ADCY7: variants seen among roughly 807,000 people sequenced by gnomAD.
ADCY7 encodes adenylate cyclase type 7.
Under a neutral mutation model 120.6 loss-of-function variants are expected in ADCY7, and 72 were observed. The ratio of observed to expected loss-of-function variants is 0.60; its 90% confidence interval spans 0.49 to 0.73. The LOEUF (loss-of-function observed/expected upper bound fraction) is 0.73, where lower values mean the gene tolerates loss of function less well. Ranked by LOEUF, ADCY7 falls within the 30% of genes least tolerant of loss-of-function variation. The pLI, the probability that ADCY7 is intolerant of heterozygous loss-of-function variation, is 0.00. For missense variants in ADCY7, 1,227 were observed against 1,486.0 expected, an observed-to-expected ratio of 0.83 and a Z score of 2.87; for synonymous variants, 661 against 628.0, an observed-to-expected ratio of 1.05 and a Z score of -0.78.
Position 50,294,638 on chromosome 16 carries a change from A to G in ADCY7, c.837-2A>G. The G allele has an allele frequency of 1.1e-6, 1 of 894,516 alleles. No homozygotes were observed. The highest frequency in any genetic ancestry group is 1.8e-6 in the Non-Finnish European group (1 of 558,402). 55.4% of individuals were successfully genotyped at this position (894,516 alleles called of 1,614,324 possible). ...CTCCCTCCCACCCTGCCCCATCCCC[A>G]GCATCCTCTATGCGGACATCGTGGG... On this transcript the variant is annotated splice_acceptor_variant, in intron 6 of 25. Transcript: ENST00000673801. LOFTEE classifies it high-confidence loss of function.
chr16:50,294,497 T>A, intron 6 of ADCY7, 143 bp from the exon 7 acceptor site: 1 of 596,886 alleles, frequency 1.7e-6, no homozygotes. Flanking sequence ...GACTCTCCCA[T>A]CCCTATGGAG....
chr16:50,251,601 A>G (rs2032757985), intron 1 of ADCY7, among the ~76,000 whole-genome samples: 1 of 152,240 alleles, frequency 6.6e-6, no homozygotes, highest in East Asian at 1.9e-4. Context: ...ATTTTTACAT[A>G]AAGCCTAGAT....
chr16:50,299,072 G>A (rs1010324625), intron 8 of ADCY7, 41 bp downstream of exon 8: 2 of 1,567,872 alleles, frequency 1.3e-6, no homozygotes, highest in East Asian at 2.3e-5. Flanking sequence ...CCTGCCCTGT[G>A]GCGGACCCTC....
intron 3 of ADCY7, among the ~76,000 whole-genome samples, chr16:50,291,279 G>A (rs1450471475): frequency 6.6e-6 from 1 of 151,714 alleles, no homozygotes; most frequent in African/African-American, 2.4e-5. Flanking sequence ...CTGAAGGGGA[G>A]GGAGAGGGCA....
intron 1 of ADCY7, among the ~76,000 whole-genome samples, chr16:50,281,739 G>T (rs1345493844): frequency 6.6e-6 from 1 of 152,190 alleles, no homozygotes; most frequent in Non-Finnish European, 1.5e-5. Context: ...GCTGGGCTTG[G>T]GGGGATGGGA....
intron 1 of ADCY7, among the ~76,000 whole-genome samples, chr16:50,247,951 C>T (rs111437398): frequency 2.0e-5 from 3 of 152,156 alleles, no homozygotes; most frequent in Non-Finnish European, 4.4e-5. Flanking sequence ...TCCCAGGGAG[C>T]CCTCCAATTT....
intron 11 of ADCY7, 56 bp downstream of exon 11, chr16:50,304,607 GA>G (rs2035941806): frequency 6.8e-7 from 1 of 1,475,564 alleles, no homozygotes; most frequent in East Asian, 2.3e-5. Flanking sequence ...CCAGGAGCAG[GA>G]GAGTGAGTGC....
Position 50,315,757 on chromosome 16 carries a change from G to T in ADCY7, c.*252G>T. On this transcript the variant is annotated 3_prime_UTR_variant, in exon 26 of 26. Transcript: ENST00000673801. ...GTCTGTAACAGTTTCCAGGCCAGCTGGAGAATGTTCACTGGTTCGGGGCTG... is the reference window on the plus strand; with the variant it reads ...GTCTGTAACAGTTTCCAGGCCAGCTTGAGAATGTTCACTGGTTCGGGGCTG... 2.4e-6 allele frequency: 1 copy of T among 423,082 alleles called. No individual in the cohort carries two copies. Among genetic ancestry groups the T allele is most frequent in the Non-Finnish European group, 4.3e-6 (1 of 232,920 alleles). 26.2% of individuals were successfully genotyped at this position (423,082 alleles called of 1,614,324 possible).
chr16:50,301,938 C>T (rs922457616), intron 10 of ADCY7: 3 of 153,060 alleles, frequency 2.0e-5, no homozygotes, highest in Non-Finnish European at 4.4e-5. Context: ...GTGAGCCTCC[C>T]TACACATCTG....
At chr16:50,290,194 A>G (rs2150956602) in intron 2 of ADCY7, among the ~76,000 whole-genome samples, 1 of 152,298 alleles carries the variant, frequency 6.6e-6, no homozygotes, top group East Asian at 1.9e-4. Flanking sequence ...GAGGAGGCAG[A>G]GGCAGATGGA....
Position 50,304,455 on chromosome 16 carries a change from C to A in ADCY7, c.1464C>A (p.Leu488=), listed in dbSNP as rs181763906. The A allele has an allele frequency of 1.5e-5, 24 of 1,609,584 alleles. No homozygotes were observed. The highest frequency in any genetic ancestry group is 2.2e-5 in the South Asian group (2 of 90,760). The change falls in exon 11 of 26, where the codon CTC becomes CTA. Residue 488 remains leucine, a synonymous_variant. Coordinates refer to ENST00000673801, the MANE Select transcript of ADCY7 (RefSeq NM_001114.5). Reference sequence around the variant, plus strand: ...CGTCAGTGCGCATGACCCGGTACCTCGAGTCCTGGGGGGCGGCACGGCCCT... The same window carrying A: ...CGTCAGTGCGCATGACCCGGTACCTAGAGTCCTGGGGGGCGGCACGGCCCT... ...MRASVRMTRY[L]ESWGAARPFA... is the part of the protein sequence containing the mutation.
At chr16:50,264,619 T>G (rs546063663), upstream of ADCY7, among the ~76,000 whole-genome samples, 5 of 152,182 alleles carry the variant, frequency 3.3e-5, no homozygotes, top group Admixed American at 6.5e-5. Flanking sequence ...CTCCTCCTTG[T>G]CAACACTTGG....
intron 1 of ADCY7, among the ~76,000 whole-genome samples, chr16:50,255,292 TA>T (rs1490264701): frequency 1.4e-5 from 2 of 146,496 alleles, no homozygotes; most frequent in Non-Finnish European, 3.0e-5. Flanking sequence ...GTGAGCCAAT[TA>T]AAATATATAT....
intron 1 of ADCY7, among the ~76,000 whole-genome samples, chr16:50,269,399 T>C (rs2033417867): frequency 6.6e-6 from 1 of 152,104 alleles, no homozygotes; most frequent in African/African-American, 2.4e-5. Flanking sequence ...GTGGGGGTGG[T>C]CCTTACTGGG....
Position 50,301,575 on chromosome 16 carries a change from T to C in ADCY7, c.1368+361T>C, listed in dbSNP as rs570083603. On this transcript the variant is annotated intron_variant, in intron 10 of 25. Coordinates refer to ENST00000673801, the MANE Select transcript of ADCY7 (RefSeq NM_001114.5). ...TCCCAGATTTCCGAGAGACACACTT[T>C]CAAAACAAGCTTTGGATGAAACTCA... The C allele has an allele frequency of 6.2e-4, 137 of 222,762 alleles. 3 individuals are homozygous for C. In the South Asian group the frequency reaches 9.7e-3, roughly 16 times the overall value. The allele number at this position is 222,762 out of a possible 1,614,324, so 13.8% of individuals were successfully genotyped here. A position where few individuals can be genotyped will look rare whatever the true frequency, so the allele number is the denominator to read the frequency against.
chr16:50,248,245 G>A (rs1333876715), intron 1 of ADCY7, among the ~76,000 whole-genome samples: 2 of 152,142 alleles, frequency 1.3e-5, no homozygotes, highest in South Asian at 2.1e-4. Context: ...CCCTCTTCCT[G>A]TTCGTACCCC....
chr16:50,311,809 CCCCCCCA>C, intron 20 of ADCY7, 23 bp downstream of exon 20: 1 of 1,338,358 alleles, frequency 7.5e-7, no homozygotes, highest in African/African-American at 1.5e-5. Flanking sequence ...GCCCCCCCCC[CCCCCCCA>C]AGCTCTGCCC....
At chr16:50,298,792 G>A in intron 7 of ADCY7, 112 bp from the exon 8 acceptor site, 1 of 1,456,656 alleles carries the variant, frequency 6.9e-7, no homozygotes, top group Non-Finnish European at 9.2e-7. Flanking sequence ...CAGGAGGCAA[G>A]CCCCCAGCCA....
At chr16:50,246,453 C>A (rs117133873) in intron 1 of ADCY7, among the ~76,000 whole-genome samples, 5,986 of 152,154 alleles carry the variant, frequency 0.039, 153 homozygotes, top group Non-Finnish European at 0.061. Context: ...GGAGACGCTT[C>A]CCAGACGCTG....
Sources: gnomAD v4.1 joint callset for allele counts (sites outside exome capture counted in the v4.1 genomes callset) on GRCh38, gnomAD v4.1.1 for gene constraint, MANE v1.5 for transcripts, NCBI Gene and HGNC (gene_info 2026-07-23, HGNC 2026-07-21) for gene names.